Variants in CTNND2 observed in about 807,000 individuals in gnomAD.
CTNND2 encodes catenin delta 2, also known as catenin delta-2.
CTNND2 carries 22 observed loss-of-function variants against 144.4 expected under a neutral mutation model. The ratio of observed to expected loss-of-function variants is 0.15; its 90% confidence interval spans 0.11 to 0.22. CTNND2 has a LOEUF of 0.22. Among genes scored for constraint, CTNND2 ranks in the 10% least tolerant of loss-of-function variants. The pLI is 1.00. For synonymous variants in CTNND2, 751 were observed against 695.6 expected, an observed-to-expected ratio of 1.08 and a Z score of -1.25; for missense variants, 1,353 against 1,618.8, an observed-to-expected ratio of 0.84 and a Z score of 2.82.
chr5:11,716,272 T>A (rs1178883796), intron 2 of CTNND2, among the ~76,000 whole-genome samples: 1 of 152,030 alleles, frequency 6.6e-6, no homozygotes, highest in African/African-American at 2.4e-5. Flanking sequence ...ACAAGAAGAG[T>A]AGCAATTTAG....
At chr5:11,521,000 T>C (rs897290944) in intron 3 of CTNND2, among the ~76,000 whole-genome samples, 8 of 152,250 alleles carry the variant, frequency 5.3e-5, no homozygotes, top group Admixed American at 6.5e-5. Flanking sequence ...GTTTACGTGA[T>C]ACGATTTTCA....
At chr5:11,167,988 G>A (rs1001750556) in intron 11 of CTNND2, among the ~76,000 whole-genome samples, 3 of 151,874 alleles carry the variant, frequency 2.0e-5, no homozygotes, top group Non-Finnish European at 2.9e-5. Flanking sequence ...TTACAGGCAG[G>A]AGCCACTATG....
At chr5:11,750,792 A>G (rs1437274500) in intron 1 of CTNND2, among the ~76,000 whole-genome samples, 5 of 151,834 alleles carry the variant, frequency 3.3e-5, no homozygotes, top group African/African-American at 1.2e-4. Context: ...TAGACTAGAC[A>G]TTAATACAAA....
chr5:11,345,932 C>G (rs946334231), intron 9 of CTNND2, among the ~76,000 whole-genome samples: 9 of 152,068 alleles, frequency 5.9e-5, no homozygotes, highest in African/African-American at 1.9e-4. Context: ...TGTAAAATTT[C>G]TAAATTTTCA....
chr5:11,670,226 T>C (rs575130008), intron 2 of CTNND2, among the ~76,000 whole-genome samples: 2 of 152,198 alleles, frequency 1.3e-5, no homozygotes, highest in Non-Finnish European at 2.9e-5. Flanking sequence ...GTATATACTG[T>C]TGATTTGGGG....
chr5:11,078,605 T>C lies in CTNND2; in HGVS notation c.2788+4091A>G, dbSNP rs944028105. Reference sequence around the variant, plus strand: ...CAATCAATAGTTCACTATTTTGTTATATTTTAATCCACCAAAAGAAAAAAA... The same window carrying C: ...CAATCAATAGTTCACTATTTTGTTACATTTTAATCCACCAAAAGAAAAAAA... On this transcript the variant is annotated intron_variant, in intron 16 of 21. Coordinates refer to ENST00000304623, the MANE Select transcript of CTNND2 (RefSeq NM_001332.4). Among the ~76,000 whole-genome samples the C allele has an allele frequency of 4.6e-5, 7 of 152,318 alleles. No individual in the cohort carries two copies. The South Asian group carries it at 1.2e-3, about 27-fold the overall frequency.
intron 3 of CTNND2, among the ~76,000 whole-genome samples, chr5:11,433,251 C>CA (rs1424959955): frequency 2.0e-5 from 3 of 151,630 alleles, no homozygotes; most frequent in African/African-American, 7.3e-5. Context: ...GTCTCACACA[C>CA]ACAAAAAAAA....
At chr5:11,061,681 T>A (rs945238482) in intron 16 of CTNND2, among the ~76,000 whole-genome samples, 2 of 152,110 alleles carry the variant, frequency 1.3e-5, no homozygotes, top group Admixed American at 1.3e-4. Context: ...ATTTTACTCA[T>A]GTCTGAAGTG....
intron 16 of CTNND2, among the ~76,000 whole-genome samples, chr5:11,059,369 G>C (rs941230158): frequency 6.6e-6 from 1 of 152,158 alleles, no homozygotes; most frequent in Non-Finnish European, 1.5e-5. Flanking sequence ...TTTAAAAGGA[G>C]GAGCTCCCCT....
At chr5:11,427,953 G>A (rs1762938033) in intron 3 of CTNND2, among the ~76,000 whole-genome samples, 1 of 152,144 alleles carries the variant, frequency 6.6e-6, no homozygotes, top group African/African-American at 2.4e-5. Flanking sequence ...TCAGAATCAT[G>A]GGGGGAGGCG....
intron 1 of CTNND2, among the ~76,000 whole-genome samples, chr5:11,855,011 A>G (rs1438322398): frequency 6.6e-6 from 1 of 152,226 alleles, no homozygotes; most frequent in Non-Finnish European, 1.5e-5. Context: ...AATATTCTGT[A>G]ACTATAATGT....
At chr5:11,035,902 G>A (rs992790888) in intron 16 of CTNND2, among the ~76,000 whole-genome samples, 1 of 150,884 alleles carries the variant, frequency 6.6e-6, no homozygotes, top group African/African-American at 2.4e-5. Context: ...TAAAGTTTGT[G>A]TAATTTTGAT....
chr5:11,640,180 T>C (rs1226511886), intron 2 of CTNND2, among the ~76,000 whole-genome samples: 1 of 152,206 alleles, frequency 6.6e-6, no homozygotes, highest in Non-Finnish European at 1.5e-5. Flanking sequence ...TATTATGTAA[T>C]AGAAAAACTC....
chr5:11,107,316 A>G (rs1398764266), intron 14 of CTNND2, among the ~76,000 whole-genome samples: 1 of 152,230 alleles, frequency 6.6e-6, no homozygotes, highest in African/African-American at 2.4e-5. Flanking sequence ...AGAAACTGTT[A>G]AAGTTCAAAT....
intron 3 of CTNND2, among the ~76,000 whole-genome samples, chr5:11,509,991 G>A: frequency 6.6e-6 from 1 of 152,170 alleles, no homozygotes; most frequent in East Asian, 1.9e-4. Flanking sequence ...GAGGACAATG[G>A]CGCAATCACA....
chr5:11,881,205 G>A (rs769568642), intron 1 of CTNND2, among the ~76,000 whole-genome samples: 4 of 151,782 alleles, frequency 2.6e-5, no homozygotes, highest in Non-Finnish European at 4.4e-5. Flanking sequence ...TGGCATACAC[G>A]TGCTATTTCA....
At chr5:11,453,905 G>A (rs2149918147) in intron 3 of CTNND2, among the ~76,000 whole-genome samples, 1 of 152,112 alleles carries the variant, frequency 6.6e-6, no homozygotes, top group South Asian at 2.1e-4. Context: ...TAATAGAAAT[G>A]GGATTGTTTT....
At chr5:11,278,959 T>A (rs1746836821) in intron 9 of CTNND2, among the ~76,000 whole-genome samples, 1 of 152,130 alleles carries the variant, frequency 6.6e-6, no homozygotes, top group South Asian at 2.1e-4. Context: ...TTACCTTCAC[T>A]AACTCCCCCA....
chr5:11,734,120 C>T (rs1554112400), intron 1 of CTNND2, among the ~76,000 whole-genome samples: 2 of 152,302 alleles, frequency 1.3e-5, no homozygotes, highest in South Asian at 4.1e-4. Context: ...ACTAAATCTG[C>T]CAGGACTTAA....
Sources: allele counts gnomAD v4.1 joint callset (sites outside exome capture counted in the v4.1 genomes callset), GRCh38; gene constraint gnomAD v4.1.1; transcripts MANE v1.5; gene names NCBI Gene and HGNC (gene_info 2026-07-23, HGNC 2026-07-21).